Variants in BAZ2A observed in about 807,000 individuals in gnomAD.
BAZ2A encodes the protein bromodomain adjacent to zinc finger domain protein 2A.
BAZ2A carries 34 observed loss-of-function variants against 199.9 expected under a neutral mutation model. That is an observed-to-expected ratio of 0.17 (90% confidence interval 0.13 to 0.23). The LOEUF (loss-of-function observed/expected upper bound fraction) is 0.23. BAZ2A is among the 10% of genes least tolerant of loss of function. The pLI is 1.00. For missense variants in BAZ2A, 2,002 were observed against 2,391.1 expected, an observed-to-expected ratio of 0.84 and a Z score of 3.39; for synonymous variants, 857 against 883.9, an observed-to-expected ratio of 0.97 and a Z score of 0.54.
chr12:56,601,574 G>A lies in BAZ2A; in HGVS notation c.4043C>T (p.Ser1348Phe). The change falls in exon 20 of 29, where the codon TCC becomes TTC. Residue 1348 changes from serine (S) to phenylalanine (F), a missense_variant. Physicochemically the swap from Ser to Phe is radical, Grantham distance 155. This residue lies in a region of BAZ2A where 1,081 missense variants were observed against 1,274.7 expected (regional missense o/e 0.85). Coordinates refer to ENST00000549884, the MANE Select transcript of BAZ2A (RefSeq NM_001300905.2). ...CTTGGAGGAGGCAAGCTGCTGAGGG[G>A]AGGGAGTGGGTTGGTCCTCAGAAAC... ...PAVSEDQPTP[S>F]PQQLASSKPM... 6.2e-7 allele frequency: 1 copy of A among 1,613,490 alleles called. No homozygotes were observed. The highest frequency in any genetic ancestry group is 1.1e-5 in the South Asian group (1 of 91,084).
chr12:56,623,754 GC>G (rs1229795096), intron 1 of BAZ2A, among the ~76,000 whole-genome samples: 1 of 151,922 alleles, frequency 6.6e-6, no homozygotes, highest in Non-Finnish European at 1.5e-5. Context: ...ACAGGACAGC[GC>G]CCCCCACAAC....
chr12:56,605,042 C>A, intron 14 of BAZ2A, 31 bp downstream of exon 14: 2 of 1,554,172 alleles, frequency 1.3e-6, no homozygotes, highest in South Asian at 2.4e-5. Flanking sequence ...CTTTACTTGT[C>A]CTGGTTACTT....
chr12:56,605,766 T>C (rs1457622241), intron 13 of BAZ2A, 64 bp downstream of exon 13: 6 of 235,418 alleles, frequency 2.5e-5, no homozygotes, highest in Non-Finnish European at 3.3e-5. Context: ...GCAGAAGTCC[T>C]TTTTTTTTTT....
chr12:56,615,074 C>A lies in BAZ2A; in HGVS notation c.670G>T (p.Val224Phe). ...DEAAEKEMTS[V>F]VAENGTGLVG... ...AAGCCAGTGCCATTCTCTGCCACAA[C>A]TGAAGTCATCTCCTTTTCTGCTGCC... Residue 224 changes from valine to phenylalanine, a missense_variant, in exon 3 of 29, where the codon GTT becomes TTT. Around this residue, in one of 6 missense-constraint regions of BAZ2A, gnomAD observed 641 missense variants for 694.5 expected, o/e 0.92. Transcript: ENST00000549884. The A allele has an allele frequency of 6.2e-7, 1 of 1,613,900 alleles. No individual in the cohort carries two copies. Among genetic ancestry groups the A allele is most frequent in the Non-Finnish European group, 8.5e-7 (1 of 1,179,880 alleles).
intron 11 of BAZ2A, 123 bp downstream of exon 11, chr12:56,606,510 A>G: frequency 8.2e-7 from 1 of 1,223,284 alleles, no homozygotes; most frequent in Non-Finnish European, 1.2e-6. Flanking sequence ...AAGTGCAAGA[A>G]ATTTCAGGGT....
intron 10 of BAZ2A, among the ~76,000 whole-genome samples, chr12:56,608,934 C>T (rs1238182245): frequency 7.1e-5 from 9 of 127,006 alleles, no homozygotes; most frequent in South Asian, 2.7e-4. Context: ...AGTGCAGTGG[C>T]GCAATCTCAG....
At chr12:56,613,520 T>C (rs939123375) in intron 4 of BAZ2A, among the ~76,000 whole-genome samples, 1 of 151,992 alleles carries the variant, frequency 6.6e-6, no homozygotes, top group Non-Finnish European at 1.5e-5. Context: ...AAGGTGAAAA[T>C]GAAAGGAAAG....
rs773083904 is a variant in BAZ2A, at chr12:56,600,803, C to T, written c.4480G>A (p.Ala1494Thr). Residue 1494 changes from alanine (A) to threonine (T), a missense_variant, in exon 23 of 29, where the codon GCC (alanine) becomes ACC (threonine). Ala to Thr is a moderately conservative substitution (Grantham distance 58, BLOSUM62 0). This residue lies in a region of BAZ2A where 1,081 missense variants were observed against 1,274.7 expected (regional missense o/e 0.85). Coordinates refer to ENST00000549884, the MANE Select transcript of BAZ2A (RefSeq NM_001300905.2). ...DPIFEPRQLP[A>T]FQEGIMSWSP... is the part of the protein sequence containing the mutation. ...CAGCTCATAATCCCTTCTTGAAAGG[C>T]AGGTAGTTGCCTGGGCTCAAAGATG... The T allele has an allele frequency of 6.2e-6, 10 of 1,613,774 alleles. No individual in the cohort carries two copies. Among genetic ancestry groups the T allele is most frequent in the Non-Finnish European group, 8.5e-6 (10 of 1,179,846 alleles).
At chr12:56,633,360 A>G (rs1951364639), upstream of BAZ2A, among the ~76,000 whole-genome samples, 1 of 151,956 alleles carries the variant, frequency 6.6e-6, no homozygotes, top group Admixed American at 6.6e-5. Flanking sequence ...TCCTCCCCCC[A>G]GCACCCCCTC....
intron 3 of BAZ2A, among the ~76,000 whole-genome samples, chr12:56,614,748 T>C (rs1408584008): frequency 6.6e-6 from 1 of 152,200 alleles, no homozygotes; most frequent in Non-Finnish European, 1.5e-5. Flanking sequence ...AGGGTGTCTG[T>C]TGGGGCTGTT....
upstream of BAZ2A, chr12:56,630,721 C>G (rs1363416489): frequency 3.2e-6 from 3 of 935,800 alleles, no homozygotes; most frequent in South Asian, 9.9e-5. Context: ...GTTAGTCACT[C>G]AGGTCGCGAT....
intron 28 of BAZ2A, 26 bp from the exon 29 acceptor site, chr12:56,598,809 G>A (rs1169191578): frequency 6.2e-7 from 1 of 1,610,146 alleles, no homozygotes; most frequent in South Asian, 1.1e-5. Context: ...GCAAAACTGT[G>A]AGCTGGGTAG....
chr12:56,608,865 GGCTT>G (rs59161790), intron 10 of BAZ2A, among the ~76,000 whole-genome samples: 3,954 of 140,008 alleles, frequency 0.028, 200 homozygotes, highest in African/African-American at 0.1. Context: ...CACCGTGCCT[GGCTT>G]TTTTTTTTTT....
chr12:56,626,798 A>C (rs1387634089), intron 1 of BAZ2A, among the ~76,000 whole-genome samples: 1 of 152,248 alleles, frequency 6.6e-6, no homozygotes, highest in Non-Finnish European at 1.5e-5. Context: ...AGGGAAAATC[A>C]ACTTGCTGTT....
intron 1 of BAZ2A, among the ~76,000 whole-genome samples, chr12:56,629,156 A>T (rs1312343259): frequency 6.6e-6 from 1 of 152,204 alleles, no homozygotes; most frequent in Non-Finnish European, 1.5e-5. Flanking sequence ...CAAGACACGC[A>T]GCAGCAAACG....
chr12:56,611,387 G>C, intron 7 of BAZ2A, 186 bp downstream of exon 7: 1 of 647,384 alleles, frequency 1.5e-6, no homozygotes, highest in Non-Finnish European at 2.6e-6. Flanking sequence ...GACAGACCTT[G>C]AGAGAAGAAG....
At chr12:56,614,628 G>C (rs1458114866) in intron 3 of BAZ2A, among the ~76,000 whole-genome samples, 1 of 152,274 alleles carries the variant, frequency 6.6e-6, no homozygotes, top group East Asian at 1.9e-4. Context: ...ATTGGGCTCA[G>C]ACGACTTTAA....
Position 56,600,789 on chromosome 12 carries a change from C to A in BAZ2A, c.4494G>T (p.Gly1498=). The A allele has an allele frequency of 6.2e-7, 1 of 1,613,904 alleles. No individual in the cohort carries two copies. The highest frequency in any genetic ancestry group is 1.1e-5 in the South Asian group (1 of 91,066). Residue 1498 remains glycine, a synonymous_variant, in exon 23 of 29, where the codon GGG becomes GGT. Coordinates refer to ENST00000549884, the MANE Select transcript of BAZ2A (RefSeq NM_001300905.2). Reference sequence around the variant, plus strand: ...TCTCTTTGGGGGACCAGCTCATAATCCCTTCTTGAAAGGCAGGTAGTTGCC... The same window carrying A: ...TCTCTTTGGGGGACCAGCTCATAATACCTTCTTGAAAGGCAGGTAGTTGCC... ...EPRQLPAFQE[G]IMSWSPKEKT...
chr12:56,613,956 G>A lies in BAZ2A; in HGVS notation c.913C>T (p.Pro305Ser). ...GGGACATAGCCTCCAAACCTACCTG[G>A]TGCCAGAGAGTTGAAGGGCTCCAGA... is the stretch of plus-strand genomic sequence containing the variant. ...DSLEPFNSLA[P>S]EPVSGGLYGI... Residue 305 changes from proline to serine, a missense_variant, in exon 4 of 29, where the codon CCA becomes TCA. Around this residue, in one of 6 missense-constraint regions of BAZ2A, gnomAD observed 641 missense variants for 694.5 expected, o/e 0.92. Coordinates refer to ENST00000549884, the MANE Select transcript of BAZ2A (RefSeq NM_001300905.2). 1.2e-6 allele frequency: 2 copies of A among 1,613,354 alleles called. No homozygotes were observed. The highest frequency in any genetic ancestry group is 1.7e-6 in the Non-Finnish European group (2 of 1,179,456).
Sources: gnomAD v4.1 joint callset for allele counts (sites outside exome capture counted in the v4.1 genomes callset) on GRCh38, gnomAD v4.1.1 for gene constraint, gnomAD v4.1.1 regional missense constraint, MANE v1.5 for transcripts, NCBI Gene and HGNC (gene_info 2026-07-23, HGNC 2026-07-21) for gene names.